The following ARMC7 variants were observed in gnomAD, a reference collection of about 807,000 sequenced individuals.
The protein encoded by ARMC7 is armadillo repeat containing 7.
A neutral mutation model predicts 14.8 loss-of-function variants in ARMC7; 9 were observed. The ratio of observed to expected loss-of-function variants is 0.61; its 90% CI spans 0.37 to 1.06. The LOEUF (loss-of-function observed/expected upper bound fraction) is 1.06, where lower values mean the gene tolerates loss of function less well. Among genes scored for constraint, ARMC7 ranks in the 50% least tolerant of loss-of-function variants. The pLI is 0.01. For synonymous variants in ARMC7, 125 were observed against 123.4 expected (o/e 1.01, Z -0.09); for missense variants, 262 against 267.1 (o/e 0.98, Z 0.13).
At chr17:75,115,305 C>T (rs561201829) in intron 2 of ARMC7, among the ~76,000 whole-genome samples, 204 of 152,094 alleles carry the variant, frequency 1.3e-3, no homozygotes, top group Non-Finnish European at 2.5e-3. Context: ...TTTGGGAGGC[C>T]GAGGGGGGTG....
rs2074090328 is a variant in ARMC7 at position 75,129,937 on chromosome 17, T to C, written c.*899T>C. ...AGGGAGTCAGGAAGAGACGGCAACG[T>C]AAAGGATGTGGCTCCATGTCCATGG... is the stretch of plus-strand genomic sequence containing the variant. On this transcript the variant is annotated 3_prime_UTR_variant, in exon 3 of 3. Transcript: ENST00000245543. The C allele has an allele frequency of 6.5e-6, 1 of 153,258 alleles. No individual in the cohort carries two copies. The highest frequency in any genetic ancestry group is 2.4e-5 in the African/African-American group (1 of 41,360). The allele number at this position is 153,258 out of a possible 1,614,324, so 9.5% of individuals were successfully genotyped here.
chr17:75,118,265 AG>A (rs925485318), intron 2 of ARMC7, among the ~76,000 whole-genome samples: 31 of 152,234 alleles, frequency 2.0e-4, no homozygotes, highest in African/African-American at 7.5e-4. Flanking sequence ...AGGGCTAGCT[AG>A]GTGCCTGGAA....
intron 2 of ARMC7, among the ~76,000 whole-genome samples, chr17:75,117,539 G>A (rs930825092): frequency 6.6e-6 from 1 of 152,194 alleles, no homozygotes. Context: ...ATATTGGTTT[G>A]GCCTAAGAAG....
At chr17:75,116,203 C>T (rs967124409) in intron 2 of ARMC7, among the ~76,000 whole-genome samples, 7 of 152,192 alleles carry the variant, frequency 4.6e-5, no homozygotes, top group Non-Finnish European at 8.8e-5. Flanking sequence ...TGGGGAGCAC[C>T]CACTGCATGC....
At chr17:75,113,982 G>A (rs1177870173) in intron 2 of ARMC7, among the ~76,000 whole-genome samples, 1 of 152,222 alleles carries the variant, frequency 6.6e-6, no homozygotes, top group African/African-American at 2.4e-5. Flanking sequence ...GAGCTCCCTG[G>A]ACTTACTGCC....
chr17:75,117,827 A>G (rs546743115), intron 2 of ARMC7, among the ~76,000 whole-genome samples: 6 of 152,160 alleles, frequency 3.9e-5, no homozygotes, highest in Non-Finnish European at 5.9e-5. Flanking sequence ...AGATATTAAG[A>G]TGTTATCTTT....
Position 75,110,446 on chromosome 17 carries a change from C to T in ARMC7, c.92-17C>T, listed in dbSNP as rs745370549. On this transcript the variant is annotated splice_polypyrimidine_tract_variant and intron_variant, in intron 1 of 2. Coordinates refer to ENST00000245543, the MANE Select transcript of ARMC7 (RefSeq NM_024585.4). ...CCGCCGCCCGGACCTGGCTTCAGTGCCGCTTTCCCGTTGCAGACGCCAAGG... is the reference window on the plus strand; with the variant it reads ...CCGCCGCCCGGACCTGGCTTCAGTGTCGCTTTCCCGTTGCAGACGCCAAGG... 6.8e-6 allele frequency: 11 copies of T among 1,614,210 alleles called. No individual in the cohort carries two copies. Among genetic ancestry groups the T allele is most frequent in the Admixed American group, 1.7e-5 (1 of 60,024 alleles).
chr17:75,121,601 A>G (rs1341917371), intron 2 of ARMC7, among the ~76,000 whole-genome samples: 1 of 152,080 alleles, frequency 6.6e-6, no homozygotes, highest in Non-Finnish European at 1.5e-5. Flanking sequence ...TTTAGTAGAG[A>G]CAGGTTTTCG....
chr17:75,128,368 C>T (rs1973188), intron 2 of ARMC7, among the ~76,000 whole-genome samples: 149,509 of 152,230 alleles, frequency 0.98, 73,481 homozygotes, highest in Middle Eastern at 1. Flanking sequence ...CCACCGTGCC[C>T]GGGCCGGCCT....
intron 2 of ARMC7, chr17:75,114,418 C>T: frequency 1.0e-5 from 4 of 395,144 alleles, no homozygotes; most frequent in Admixed American, 4.4e-5. Context: ...ATGGGGGCGG[C>T]GTGGGCCTGG....
chr17:75,123,619 A>ATT (rs2074029792), intron 2 of ARMC7, among the ~76,000 whole-genome samples: 1 of 152,054 alleles, frequency 6.6e-6, no homozygotes, highest in South Asian at 2.1e-4. Context: ...TGAAGACATT[A>ATT]TTTTTAAGAA....
chr17:75,119,936 G>A (rs566207026), intron 2 of ARMC7, among the ~76,000 whole-genome samples: 4 of 151,874 alleles, frequency 2.6e-5, no homozygotes, highest in East Asian at 2.0e-4. Flanking sequence ...ATGGAGTCTC[G>A]CCCTGTTGAC....
At chr17:75,113,479 C>T (rs1219763736) in intron 2 of ARMC7, among the ~76,000 whole-genome samples, 1 of 151,632 alleles carries the variant, frequency 6.6e-6, no homozygotes, top group Non-Finnish European at 1.5e-5. Flanking sequence ...CTCAGCCTCC[C>T]AAGTAGCTGG....
intron 2 of ARMC7, among the ~76,000 whole-genome samples, chr17:75,127,450 C>G (rs11652915): frequency 0.48 from 72,717 of 151,968 alleles, 21,059 homozygotes; most frequent in Non-Finnish European, 0.65. Flanking sequence ...CAAGCATGTG[C>G]CACAGGCCCA....
chr17:75,122,896 T>C (rs2074023665), intron 2 of ARMC7, among the ~76,000 whole-genome samples: 1 of 151,790 alleles, frequency 6.6e-6, no homozygotes, highest in Non-Finnish European at 1.5e-5. Context: ...GGGGGGCAGG[T>C]TAGGTGCTCA....
intron 2 of ARMC7, among the ~76,000 whole-genome samples, chr17:75,113,375 G>A (rs1335424902): frequency 6.9e-6 from 1 of 145,950 alleles, no homozygotes; most frequent in African/African-American, 2.6e-5. Flanking sequence ...TTTTTTTTGA[G>A]ATGGAGTCTT....
intron 2 of ARMC7, among the ~76,000 whole-genome samples, chr17:75,119,054 C>T (rs2073992953): frequency 6.6e-6 from 1 of 152,202 alleles, no homozygotes; most frequent in Admixed American, 6.5e-5. Context: ...TCCTCCGACC[C>T]CAGCCTCCCA....
At chr17:75,116,365 C>G (rs1417239401) in intron 2 of ARMC7, among the ~76,000 whole-genome samples, 1 of 152,152 alleles carries the variant, frequency 6.6e-6, no homozygotes, top group Non-Finnish European at 1.5e-5. Context: ...TGGTGGCTGA[C>G]GCTTGTAATC....
intron 2 of ARMC7, chr17:75,114,701 T>C (rs1355797778): frequency 2.5e-6 from 1 of 398,122 alleles, no homozygotes; most frequent in Middle Eastern, 6.3e-4. Flanking sequence ...TTTTTCCTCC[T>C]TTTTTTCTCT....
Sources: gnomAD v4.1 joint callset for allele counts (sites outside exome capture counted in the v4.1 genomes callset) on GRCh38, gnomAD v4.1.1 for gene constraint, MANE v1.5 for transcripts, NCBI Gene and HGNC (gene_info 2026-07-23, HGNC 2026-07-21) for gene names.